The following CTIF variants were observed in gnomAD, a reference collection of about 807,000 sequenced individuals.
CTIF encodes cap binding complex dependent translation initiation factor, also known as CBP80/20-dependent translation initiation factor.
CTIF carries 21 observed loss-of-function variants against 66.0 expected under a neutral mutation model. The ratio of observed to expected loss-of-function variants is 0.32; its 90% confidence interval spans 0.23 to 0.46. The LOEUF (loss-of-function observed/expected upper bound fraction) is 0.46. Ranked by LOEUF, CTIF falls within the 20% of genes least tolerant of loss-of-function variation. The probability of loss-of-function intolerance (pLI) is 1.00; values close to 1 mark genes in which losing one functional copy is unlikely to be tolerated. For missense variants in CTIF, 739 were observed against 812.7 expected, an observed-to-expected ratio of 0.91 and a Z score of 1.10; for synonymous variants, 345 against 326.4, an observed-to-expected ratio of 1.06 and a Z score of -0.62.
intron 7 of CTIF, among the ~76,000 whole-genome samples, chr18:48,734,131 A>G (rs985245892): frequency 3.9e-5 from 6 of 152,230 alleles, no homozygotes; most frequent in Non-Finnish European, 8.8e-5. Flanking sequence ...CTGTAGGGGA[A>G]GAGGCCAGGC....
chr18:48,601,638 T>C (rs1490420960), intron 1 of CTIF, among the ~76,000 whole-genome samples: 2 of 152,216 alleles, frequency 1.3e-5, no homozygotes, highest in African/African-American at 2.4e-5. Context: ...TACTGACACA[T>C]TGAAGCAGGG....
In CTIF at chr18:48,572,847, G is replaced by C. The variant is rs77332913; in HGVS notation, c.-29+33535G>C. ...TTCAAAAAATACAAAACCTAGCCAG[G>C]CCACTACCATTAGTGTGTGCCTGTA... On this transcript the variant is annotated intron_variant, in intron 1 of 11. Transcript: ENST00000256413. Among the ~76,000 whole-genome samples the C allele has an allele frequency of 3.5e-3, 525 of 152,168 alleles. 5 individuals carry two copies. Among genetic ancestry groups the C allele is most frequent in the African/African-American group, 0.012 (495 of 41,516 alleles).
At chr18:48,675,107 A>G (rs1279502543) in intron 6 of CTIF, among the ~76,000 whole-genome samples, 2 of 151,578 alleles carry the variant, frequency 1.3e-5, no homozygotes, top group East Asian at 3.9e-4. Flanking sequence ...GTACAGGGCC[A>G]TGGATTCAGG....
chr18:48,728,400 C>T (rs1015219869), intron 7 of CTIF, among the ~76,000 whole-genome samples: 3 of 152,220 alleles, frequency 2.0e-5, no homozygotes, highest in Admixed American at 1.3e-4. Flanking sequence ...TTATCTCTTG[C>T]TGTGTAACAA....
intron 7 of CTIF, among the ~76,000 whole-genome samples, chr18:48,714,118 G>A (rs569692108): frequency 9.2e-5 from 14 of 152,292 alleles, no homozygotes; most frequent in African/African-American, 2.4e-4. Context: ...CCAAAGAGCC[G>A]CTGCAGAATA....
chr18:48,637,436 C>A (rs551873754), intron 3 of CTIF, among the ~76,000 whole-genome samples: 3 of 152,198 alleles, frequency 2.0e-5, no homozygotes, highest in Non-Finnish European at 4.4e-5. Flanking sequence ...AAACATGTGT[C>A]CCCATCCCGA....
At chr18:48,826,985 G>T in intron 10 of CTIF, 1 of 152,362 alleles carries the variant, frequency 6.6e-6, no homozygotes. Context: ...GTGGATTGTG[G>T]ACAGGCATGG....
chr18:48,801,244 AG>A (rs895960245), intron 9 of CTIF, among the ~76,000 whole-genome samples: 25 of 152,346 alleles, frequency 1.6e-4, no homozygotes, highest in Non-Finnish European at 3.1e-4. Flanking sequence ...CAGAAATGGC[AG>A]GCACAACAGT....
intron 6 of CTIF, among the ~76,000 whole-genome samples, chr18:48,706,005 A>C (rs1165879657): frequency 6.6e-6 from 1 of 152,148 alleles, no homozygotes; most frequent in East Asian, 1.9e-4. Flanking sequence ...CATCAGGTGC[A>C]CTGTTGCATG....
At chr18:48,664,616 C>G in intron 5 of CTIF, 65 bp downstream of exon 5, 5 of 1,397,830 alleles carry the variant, frequency 3.6e-6, no homozygotes, top group Non-Finnish European at 5.0e-6. Flanking sequence ...GCCTTTGCCT[C>G]CACAGGGAGG....
intron 7 of CTIF, among the ~76,000 whole-genome samples, chr18:48,713,510 C>G (rs2092249906): frequency 6.6e-6 from 1 of 152,128 alleles, no homozygotes; most frequent in African/African-American, 2.4e-5. Flanking sequence ...GGCTGGGAAG[C>G]CGAGCTTCCG....
At position 48,559,326 on chromosome 18, in the gene CTIF, A is replaced by G. The variant is rs2089097148; in HGVS notation, c.-29+20014A>G. On this transcript the variant is annotated intron_variant, in intron 1 of 11. Coordinates refer to ENST00000256413, the MANE Select transcript of CTIF (RefSeq NM_014772.3). ...ATCTTAGCTCGTTTATTAATATGATAGAATGTTAAATGAGGTCTGTAGTCC... is the reference window on the plus strand; with the variant it reads ...ATCTTAGCTCGTTTATTAATATGATGGAATGTTAAATGAGGTCTGTAGTCC... Among the ~76,000 whole-genome samples, 3 of 152,152 alleles carry G rather than the reference A, an allele frequency of 2.0e-5. No individual in the cohort carries two copies. The South Asian group carries it at 6.2e-4, about 32-fold the overall frequency.
intron 5 of CTIF, among the ~76,000 whole-genome samples, chr18:48,669,784 G>A (rs2091492298): frequency 1.7e-5 from 1 of 59,140 alleles, no homozygotes; most frequent in Non-Finnish European, 3.5e-5. Flanking sequence ...AAACAAACAA[G>A]CTAAACATTT....
chr18:48,626,830 T>C (rs1002604997), intron 2 of CTIF, among the ~76,000 whole-genome samples: 5 of 152,052 alleles, frequency 3.3e-5, no homozygotes, highest in Admixed American at 1.3e-4. Flanking sequence ...TAATTTTTTG[T>C]ATTTTTAGTA....
chr18:48,800,617 C>A lies in CTIF; in HGVS notation c.1372-16604C>A, dbSNP rs566068142. Among the ~76,000 whole-genome samples, 3 of 152,350 alleles carry A rather than the reference C, an allele frequency of 2.0e-5. No homozygotes were observed. In the East Asian group the frequency reaches 5.8e-4, roughly 29 times the overall value. ...TGGATAACCCCCCACACACCCATGT[C>A]CTTGGTAAGACCAAAGAAGCAGGAG... On this transcript the variant is annotated intron_variant, in intron 9 of 11. Coordinates refer to ENST00000256413, the MANE Select transcript of CTIF (RefSeq NM_014772.3).
chr18:48,595,479 T>C, intron 1 of CTIF, among the ~76,000 whole-genome samples: 1 of 152,118 alleles, frequency 6.6e-6, no homozygotes, highest in East Asian at 1.9e-4. Context: ...CAGGCTGGAG[T>C]GCAGTGGTGT....
chr18:48,798,994 C>T (rs981823061), intron 9 of CTIF, among the ~76,000 whole-genome samples: 4 of 152,222 alleles, frequency 2.6e-5, no homozygotes, highest in African/African-American at 9.6e-5. Context: ...GCAGATGGAG[C>T]CTCCTCTCGC....
At chr18:48,580,493 C>T (rs796365741) in intron 1 of CTIF, among the ~76,000 whole-genome samples, 8 of 152,344 alleles carry the variant, frequency 5.3e-5, no homozygotes, top group African/African-American at 1.9e-4. Context: ...TGGTAACATC[C>T]TTGTCACCTT....
intron 1 of CTIF, among the ~76,000 whole-genome samples, chr18:48,553,333 C>T (rs1411474283): frequency 6.6e-6 from 1 of 152,190 alleles, no homozygotes; most frequent in Non-Finnish European, 1.5e-5. Context: ...CAGAGAGAAG[C>T]CAGCCACGGG....
Sources: allele counts gnomAD v4.1 joint callset (sites outside exome capture counted in the v4.1 genomes callset), GRCh38; gene constraint gnomAD v4.1.1; transcripts MANE v1.5; gene names NCBI Gene and HGNC (gene_info 2026-07-23, HGNC 2026-07-21).